The following TENM3 variants were observed in gnomAD, a reference collection of about 807,000 sequenced individuals.
The protein encoded by TENM3 is teneurin transmembrane protein 3, also known as teneurin-3.
Under a neutral mutation model 255.1 loss-of-function variants are expected in TENM3, and 63 were observed. The ratio of observed to expected loss-of-function variants is 0.25; its 90% confidence interval spans 0.20 to 0.30. The LOEUF (loss-of-function observed/expected upper bound fraction) is 0.30, where lower values mean the gene tolerates loss of function less well. TENM3 is among the 10% of genes least tolerant of loss of function. TENM3 has a pLI of 1.00. For missense variants in TENM3, 2,929 were observed against 3,461.1 expected, an observed-to-expected ratio of 0.85 and a Z score of 3.86; for synonymous variants, 1,306 against 1,322.3, an observed-to-expected ratio of 0.99 and a Z score of 0.27.
At chr4:181,965,300 C>A in the TENM3 span, among the ~76,000 whole-genome samples, 1 of 152,142 alleles carries the variant, frequency 6.6e-6, no homozygotes, top group African/African-American at 2.4e-5. Flanking sequence ...CACAGGACTT[C>A]TTGAGGAGAG....
chr4:181,518,108 G>A, the TENM3 span, among the ~76,000 whole-genome samples: 3 of 152,138 alleles, frequency 2.0e-5, no homozygotes, highest in African/African-American at 7.2e-5. Flanking sequence ...TTGTATAATT[G>A]ACCTCCTTTA....
chr4:181,536,213 G>A, the TENM3 span, among the ~76,000 whole-genome samples: 1 of 152,202 alleles, frequency 6.6e-6, no homozygotes, highest in Non-Finnish European at 1.5e-5. Flanking sequence ...CTACTAATTA[G>A]ATGCCCATTT....
chr4:181,534,964 C>A, the TENM3 span, among the ~76,000 whole-genome samples: 328 of 152,298 alleles, frequency 2.2e-3, 3 homozygotes, highest in African/African-American at 7.5e-3. Flanking sequence ...GCCTTTCTTT[C>A]TGCACAGCCA....
intron 6 of TENM3, 72 bp downstream of exon 6, chr4:182,653,965 G>T: frequency 6.9e-7 from 1 of 1,443,758 alleles, no homozygotes; most frequent in Non-Finnish European, 9.3e-7. Context: ...TTTTACCCAT[G>T]CTTACATCTA....
chr4:182,633,336 A>G (rs1751557803), intron 5 of TENM3, among the ~76,000 whole-genome samples: 1 of 152,248 alleles, frequency 6.6e-6, no homozygotes, highest in African/African-American at 2.4e-5. Context: ...TAGATGTCAG[A>G]GGTCCAAATT....
At chr4:181,942,838 T>C in the TENM3 span, among the ~76,000 whole-genome samples, 20 of 152,228 alleles carry the variant, frequency 1.3e-4, no homozygotes, top group Non-Finnish European at 2.6e-4. Context: ...AAATACATAT[T>C]GTAAAGGTAC....
intron 1 of TENM3, among the ~76,000 whole-genome samples, chr4:182,161,804 C>T (rs1249536102): frequency 5.8e-5 from 1 of 17,346 alleles, no homozygotes; most frequent in Non-Finnish European, 1.4e-4. Flanking sequence ...TATATATATA[C>T]ACATATATAT....
the TENM3 span, among the ~76,000 whole-genome samples, chr4:181,878,901 C>T: frequency 6.6e-6 from 1 of 152,214 alleles, no homozygotes; most frequent in African/African-American, 2.4e-5. Context: ...ATTATGAATG[C>T]TCTTTGTCTA....
intron 13 of TENM3, among the ~76,000 whole-genome samples, chr4:182,716,365 A>C (rs1759171139): frequency 6.6e-6 from 1 of 152,208 alleles, no homozygotes; most frequent in Non-Finnish European, 1.5e-5. Context: ...AAAATTTATC[A>C]ACTGTGAATT....
intron 3 of TENM3, among the ~76,000 whole-genome samples, chr4:182,507,294 T>G (rs1736936591): frequency 6.6e-6 from 1 of 152,198 alleles, no homozygotes; most frequent in Non-Finnish European, 1.5e-5. Context: ...CTAAATAACA[T>G]TAGGTCCCAT....
chr4:182,085,901 AAG>A, the TENM3 span, among the ~76,000 whole-genome samples: 212 of 152,336 alleles, frequency 1.4e-3, no homozygotes, highest in African/African-American at 5.0e-3. Context: ...TCTAAAAAGA[AAG>A]AGAAGTATGA....
chr4:182,569,013 A>G (rs978818257), intron 3 of TENM3, among the ~76,000 whole-genome samples: 2 of 152,170 alleles, frequency 1.3e-5, no homozygotes, highest in Non-Finnish European at 2.9e-5. Context: ...TTGTCTGGAA[A>G]TGGGTAGAAG....
At position 182,618,863 on chromosome 4, in the gene TENM3, C is replaced by T. The variant is rs577462861; in HGVS notation, c.750-9788C>T. On this transcript the variant is annotated intron_variant, in intron 4 of 27. Transcript: ENST00000511685. ...GGTATAAGAACACAGAACTTCTCTG[C>T]TCAGCAATAAAAGAAAAAGAAGAGA... Among the ~76,000 whole-genome samples, 4 of 152,058 alleles carry T rather than the reference C, an allele frequency of 2.6e-5. No individual in the cohort carries two copies. In the East Asian group the frequency reaches 5.8e-4, roughly 22 times the overall value.
chr4:182,761,796 T>A (rs1032606844), intron 22 of TENM3, among the ~76,000 whole-genome samples: 1 of 152,230 alleles, frequency 6.6e-6, no homozygotes, highest in Admixed American at 6.5e-5. Context: ...TTTTAAATAT[T>A]TGATTTAGTA....
intron 3 of TENM3, among the ~76,000 whole-genome samples, chr4:182,461,414 G>A (rs760573601): frequency 2.6e-5 from 4 of 152,202 alleles, no homozygotes; most frequent in Non-Finnish European, 4.4e-5. Context: ...TGAAGTTCAC[G>A]AAAGAGAATT....
At chr4:182,355,105 T>C (rs749835315) in intron 3 of TENM3, among the ~76,000 whole-genome samples, 14 of 152,140 alleles carry the variant, frequency 9.2e-5, no homozygotes, top group Non-Finnish European at 1.9e-4. Flanking sequence ...CCAGAGCCGA[T>C]TGTTGCCAAC....
the TENM3 span, among the ~76,000 whole-genome samples, chr4:182,054,703 T>C: frequency 6.6e-6 from 1 of 152,154 alleles, no homozygotes; most frequent in Non-Finnish European, 1.5e-5. Context: ...TGGTACCCCA[T>C]TCTCCATGTG....
chr4:182,288,015 G>A (rs1362242841), intron 1 of TENM3, among the ~76,000 whole-genome samples: 4 of 151,944 alleles, frequency 2.6e-5, no homozygotes, highest in Non-Finnish European at 4.4e-5. Context: ...TGGGGTCACC[G>A]CAACCTCTGC....
chr4:181,793,413 T>C, the TENM3 span, among the ~76,000 whole-genome samples: 1 of 152,138 alleles, frequency 6.6e-6, no homozygotes, highest in Admixed American at 6.5e-5. Flanking sequence ...GTCAGCCTGA[T>C]TTTAGGGCCC....
Sources: gnomAD v4.1 joint callset for allele counts (sites outside exome capture counted in the v4.1 genomes callset) on GRCh38, gnomAD v4.1.1 for gene constraint, MANE v1.5 for transcripts, NCBI Gene and HGNC (gene_info 2026-07-23, HGNC 2026-07-21) for gene names.